The following RTKN2 variants were observed in gnomAD, a reference collection of about 807,000 sequenced individuals.
RTKN2 encodes the protein rhotekin 2.
Under a neutral mutation model 71.5 loss-of-function variants are expected in RTKN2, and 69 were observed. The ratio of observed to expected loss-of-function variants is 0.96; its 90% confidence interval spans 0.79 to 1.18. The LOEUF (loss-of-function observed/expected upper bound fraction) is 1.18, where lower values mean the gene tolerates loss of function less well. Ranked by LOEUF, RTKN2 falls within the 50% of genes most tolerant of loss-of-function variation. RTKN2 has a pLI of 0.00. For missense variants in RTKN2, 724 were observed against 719.7 expected, an observed-to-expected ratio of 1.01 and a Z score of -0.07; for synonymous variants, 236 against 236.5, an observed-to-expected ratio of 1.00 and a Z score of 0.02.
intron 9 of RTKN2, among the ~76,000 whole-genome samples, chr10:62,216,551 T>G (rs1342193944): frequency 6.6e-6 from 1 of 152,032 alleles, no homozygotes; most frequent in African/African-American, 2.4e-5. Flanking sequence ...GTAGCTAGAT[T>G]TCAATAGTCT....
downstream of RTKN2, among the ~76,000 whole-genome samples, chr10:62,188,149 G>T (rs928647241): frequency 1.3e-5 from 2 of 152,202 alleles, no homozygotes; most frequent in Admixed American, 1.3e-4. Flanking sequence ...TACAGGTCAA[G>T]AATTTAGGAG....
At chr10:62,206,476 A>G (rs775994567) in intron 9 of RTKN2, among the ~76,000 whole-genome samples, 1 of 152,138 alleles carries the variant, frequency 6.6e-6, no homozygotes, top group Admixed American at 6.5e-5. Flanking sequence ...TATATACTAC[A>G]CAAGGAATTC....
At chr10:62,236,011 T>C in intron 6 of RTKN2, 55 bp downstream of exon 6, 2 of 1,275,572 alleles carry the variant, frequency 1.6e-6, no homozygotes, top group Non-Finnish European at 1.1e-6. Context: ...TATAATACTT[T>C]AAAATATCAC....
chr10:62,236,333 T>C, intron 5 of RTKN2, 70 bp from the exon 6 acceptor site: 3 of 1,008,078 alleles, frequency 3.0e-6, no homozygotes, highest in Non-Finnish European at 1.5e-6. Flanking sequence ...CATTCTTTTA[T>C]GTTTATGTAA....
intron 9 of RTKN2, among the ~76,000 whole-genome samples, chr10:62,212,113 A>AAT (rs1554809346): frequency 3.8e-4 from 57 of 151,670 alleles, no homozygotes; most frequent in Non-Finnish European, 6.2e-4. Context: ...TTAAAAAAAA[A>AAT]ATATATATAT....
At position 62,197,305 on chromosome 10, in the gene RTKN2, C is replaced by T; in HGVS notation, c.*603G>A. ...TCATCAAGGAAACAAGTTTGAATAG[C>T]ACATTACAAATTCCCTTTAAAGATG... On this transcript the variant is annotated 3_prime_UTR_variant, in exon 12 of 12. Coordinates refer to ENST00000373789, the MANE Select transcript of RTKN2 (RefSeq NM_145307.4). 1 of 985,364 alleles carries T rather than the reference C, an allele frequency of 1.0e-6. No individual in the cohort carries two copies. The allele number at this position is 985,364 out of a possible 1,614,324, so 61.0% of individuals were successfully genotyped here. A position where few individuals can be genotyped will look rare whatever the true frequency, so the allele number is the denominator to read the frequency against.
chr10:62,251,432 G>A (rs1010483423), intron 2 of RTKN2, among the ~76,000 whole-genome samples: 1 of 152,148 alleles, frequency 6.6e-6, no homozygotes, highest in African/African-American at 2.4e-5. Flanking sequence ...GAAGGATGAT[G>A]GAACATACCC....
downstream of RTKN2, among the ~76,000 whole-genome samples, chr10:62,192,700 C>T (rs1841241786): frequency 6.6e-6 from 1 of 152,154 alleles, no homozygotes; most frequent in African/African-American, 2.4e-5. Flanking sequence ...GGGCTACTAG[C>T]AAGGGCCGGA....
chr10:62,221,259 A>G (rs1415098414), intron 7 of RTKN2, among the ~76,000 whole-genome samples: 1 of 152,050 alleles, frequency 6.6e-6, no homozygotes, highest in African/African-American at 2.4e-5. Flanking sequence ...TTAGTTTTTA[A>G]TAAGTATGAT....
chr10:62,224,016 TA>T (rs1358622132), intron 6 of RTKN2, among the ~76,000 whole-genome samples: 1 of 152,016 alleles, frequency 6.6e-6, no homozygotes, highest in Non-Finnish European at 1.5e-5. Flanking sequence ...TATTCAGCCT[TA>T]AAAAAGAAGA....
At chr10:62,248,560 T>C (rs915928831) in intron 2 of RTKN2, among the ~76,000 whole-genome samples, 2 of 152,096 alleles carry the variant, frequency 1.3e-5, no homozygotes, top group African/African-American at 4.8e-5. Flanking sequence ...AGCTAGATAA[T>C]AGTGGACCTT....
At chr10:62,214,841 C>T (rs1841733589) in intron 9 of RTKN2, among the ~76,000 whole-genome samples, 1 of 151,954 alleles carries the variant, frequency 6.6e-6, no homozygotes. Flanking sequence ...TAGCAGTACG[C>T]CTATGAGGAA....
intron 3 of RTKN2, among the ~76,000 whole-genome samples, chr10:62,245,136 C>A (rs1842453174): frequency 6.6e-6 from 1 of 152,104 alleles, no homozygotes; most frequent in African/African-American, 2.4e-5. Flanking sequence ...TCTGTGGCAT[C>A]TCCAAGCCAT....
chr10:62,223,009 A>T (rs1274048201), intron 7 of RTKN2, among the ~76,000 whole-genome samples: 1 of 152,212 alleles, frequency 6.6e-6, no homozygotes, highest in Non-Finnish European at 1.5e-5. Context: ...ACAAGGATTG[A>T]GCATACCTGA....
At chr10:62,230,684 A>G (rs1168321148) in intron 6 of RTKN2, among the ~76,000 whole-genome samples, 1 of 152,194 alleles carries the variant, frequency 6.6e-6, no homozygotes, top group East Asian at 1.9e-4. Context: ...CAGATGAAGA[A>G]ACTGATGTTC....
At chr10:62,216,589 C>T (rs1424871425) in intron 9 of RTKN2, among the ~76,000 whole-genome samples, 1 of 152,018 alleles carries the variant, frequency 6.6e-6, no homozygotes, top group Non-Finnish European at 1.5e-5. Context: ...TATATATATA[C>T]TTGACAAATT....
intron 9 of RTKN2, among the ~76,000 whole-genome samples, chr10:62,211,355 G>C (rs1189014568): frequency 6.6e-6 from 1 of 152,182 alleles, no homozygotes; most frequent in Admixed American, 6.5e-5. Flanking sequence ...TATTTCCACA[G>C]ATGGCTCCCT....
chr10:62,238,008 T>TCC (rs1223142767), intron 5 of RTKN2: 2 of 151,798 alleles, frequency 1.3e-5, no homozygotes, highest in Non-Finnish European at 2.9e-5. Context: ...AAAATATACT[T>TCC]AAGACTGCAA....
intron 6 of RTKN2, among the ~76,000 whole-genome samples, chr10:62,229,600 T>A (rs1474092513): frequency 6.6e-6 from 1 of 152,226 alleles, no homozygotes; most frequent in Non-Finnish European, 1.5e-5. Context: ...GTCTTCACTT[T>A]AGGAAGAGTC....
Sources: gnomAD v4.1 joint callset for allele counts (sites outside exome capture counted in the v4.1 genomes callset) on GRCh38, gnomAD v4.1.1 for gene constraint, MANE v1.5 for transcripts, NCBI Gene and HGNC (gene_info 2026-07-23, HGNC 2026-07-21) for gene names.